IMMP2L: variants seen among roughly 807,000 people sequenced by gnomAD.
The protein encoded by IMMP2L is inner mitochondrial membrane peptidase subunit 2.
Under a neutral mutation model 19.3 loss-of-function variants are expected in IMMP2L, and 18 were observed. That is an observed-to-expected ratio of 0.93 (90% CI 0.64 to 1.38). The LOEUF (loss-of-function observed/expected upper bound fraction) is 1.38, where lower values mean the gene tolerates loss of function less well. Ranked by LOEUF, IMMP2L falls within the 40% of genes most tolerant of loss-of-function variation. The probability of loss-of-function intolerance (pLI) is 0.00; values close to 1 mark genes in which losing one functional copy is unlikely to be tolerated. For synonymous variants in IMMP2L, 76 were observed against 73.0 expected, an observed-to-expected ratio of 1.04 and a Z score of -0.21; for missense variants, 233 against 218.2, an observed-to-expected ratio of 1.07 and a Z score of -0.43.
chr7:111,242,358 T>C (rs900694447), intron 3 of IMMP2L, among the ~76,000 whole-genome samples: 1 of 152,116 alleles, frequency 6.6e-6, no homozygotes, highest in Admixed American at 6.6e-5. Flanking sequence ...AAGTCCAATT[T>C]GTTTGTGGAA....
intron 5 of IMMP2L, among the ~76,000 whole-genome samples, chr7:110,883,085 T>A (rs537999928): frequency 5.3e-5 from 8 of 152,304 alleles, no homozygotes; most frequent in African/African-American, 1.9e-4. Flanking sequence ...AAGTGAACAT[T>A]TTTTTGCGCT....
chr7:111,497,892 T>A (rs558095488), intron 2 of IMMP2L, among the ~76,000 whole-genome samples: 1 of 151,762 alleles, frequency 6.6e-6, no homozygotes, highest in South Asian at 2.1e-4. Flanking sequence ...TTTTTCACTA[T>A]TAGTATTATA....
chr7:111,391,135 T>C (rs1003627278), intron 3 of IMMP2L, among the ~76,000 whole-genome samples: 52 of 152,154 alleles, frequency 3.4e-4, no homozygotes. Flanking sequence ...TTATTGCTAA[T>C]ATGTAAACGA....
chr7:110,747,726 C>T (rs1026981335), intron 5 of IMMP2L, among the ~76,000 whole-genome samples: 2 of 152,086 alleles, frequency 1.3e-5, no homozygotes, highest in African/African-American at 2.4e-5. Flanking sequence ...TCTCGATAAA[C>T]TAGGCATTGA....
chr7:111,174,492 CA>C lies in IMMP2L; in HGVS notation c.240-210928del, dbSNP rs1170287702. The stretch of plus-strand genomic sequence containing the variant: ...TTTTCAGCTCCTACCTCACTCAATG[CA>C]AAAAAAATATTACCGAATTTCAAGG... On this transcript the variant is annotated intron_variant, in intron 3 of 5. Coordinates refer to ENST00000405709, the MANE Select transcript of IMMP2L (RefSeq NM_032549.4). 4.0e-5 allele frequency among the ~76,000 whole-genome samples: 6 copies of C among 150,984 alleles called. No homozygotes were observed. The East Asian group carries it at 9.7e-4, about 24-fold the overall frequency.
intron 5 of IMMP2L, among the ~76,000 whole-genome samples, chr7:110,827,664 A>C (rs1803623334): frequency 6.6e-6 from 1 of 152,194 alleles, no homozygotes; most frequent in Non-Finnish European, 1.5e-5. Flanking sequence ...AGAAGGGAGT[A>C]GCTGGAATCA....
intron 5 of IMMP2L, among the ~76,000 whole-genome samples, chr7:110,734,327 A>G (rs1390284551): frequency 6.6e-6 from 1 of 152,198 alleles, no homozygotes; most frequent in Non-Finnish European, 1.5e-5. Context: ...AACTGGAGAA[A>G]CAGCCATTCT....
At chr7:111,098,827 A>G (rs1797672146) in intron 3 of IMMP2L, among the ~76,000 whole-genome samples, 1 of 151,786 alleles carries the variant, frequency 6.6e-6, no homozygotes, top group Non-Finnish European at 1.5e-5. Flanking sequence ...GCCTTTGTGC[A>G]TGAGGCAACA....
chr7:110,962,900 AC>A, intron 4 of IMMP2L: 1 of 1,361,930 alleles, frequency 7.3e-7, no homozygotes, highest in South Asian at 2.0e-5. Flanking sequence ...ACAATGAGAC[AC>A]ATCATGCCAC....
intron 3 of IMMP2L, among the ~76,000 whole-genome samples, chr7:111,064,180 C>T (rs890062854): frequency 6.6e-6 from 1 of 152,122 alleles, no homozygotes; most frequent in Non-Finnish European, 1.5e-5. Context: ...AGAGCTTGTG[C>T]AGGGAAACTC....
intron 3 of IMMP2L, among the ~76,000 whole-genome samples, chr7:111,073,796 C>T (rs1023891405): frequency 6.6e-6 from 1 of 152,198 alleles, no homozygotes; most frequent in Admixed American, 6.6e-5. Flanking sequence ...AACTCTGCCA[C>T]TCAGGAAGAT....
intron 3 of IMMP2L, chr7:111,122,282 G>A (rs1217902977): frequency 6.6e-6 from 1 of 152,470 alleles, no homozygotes; most frequent in East Asian, 1.9e-4. Context: ...ACATACTGAA[G>A]TACTTAAACT....
intron 3 of IMMP2L, among the ~76,000 whole-genome samples, chr7:111,301,576 G>C (rs1822243979): frequency 6.6e-6 from 1 of 151,770 alleles, no homozygotes; most frequent in African/African-American, 2.4e-5. Flanking sequence ...TCTAAAAGTT[G>C]TATACTTTCA....
chr7:111,392,847 G>C (rs1221545739), intron 3 of IMMP2L: 2 of 456,446 alleles, frequency 4.4e-6, no homozygotes, highest in Non-Finnish European at 8.8e-6. Flanking sequence ...GCCAGATGAG[G>C]AGGTAAATCT....
At chr7:110,743,103 A>G (rs1406945704) in intron 5 of IMMP2L, among the ~76,000 whole-genome samples, 1 of 152,252 alleles carries the variant, frequency 6.6e-6, no homozygotes, top group Non-Finnish European at 1.5e-5. Context: ...TGAAAAGCTT[A>G]CTGAAAGTCA....
chr7:111,241,029 G>GTCATGGCC (rs1490982505), intron 3 of IMMP2L, among the ~76,000 whole-genome samples: 1 of 151,796 alleles, frequency 6.6e-6, no homozygotes, highest in Non-Finnish European at 1.5e-5. Flanking sequence ...ATGCTACACT[G>GTCATGGCC]TCATGGCCGT....
At chr7:111,422,323 T>C (rs958249315) in intron 3 of IMMP2L, among the ~76,000 whole-genome samples, 1 of 151,848 alleles carries the variant, frequency 6.6e-6, no homozygotes, top group Non-Finnish European at 1.5e-5. Context: ...AGTATGGCCA[T>C]TTTCATGATA....
intron 3 of IMMP2L, among the ~76,000 whole-genome samples, chr7:111,481,886 T>C (rs1384677523): frequency 6.6e-6 from 1 of 152,186 alleles, no homozygotes; most frequent in African/African-American, 2.4e-5. Flanking sequence ...CATTTTCTAC[T>C]AGGCATATTT....
intron 3 of IMMP2L, among the ~76,000 whole-genome samples, chr7:111,162,635 T>C (rs1020639799): frequency 1.1e-4 from 17 of 150,640 alleles, no homozygotes; most frequent in South Asian, 2.1e-4. Flanking sequence ...TTTGAGCGAG[T>C]AGTTTTTTTT....
Sources: allele counts gnomAD v4.1 joint callset (sites outside exome capture counted in the v4.1 genomes callset), GRCh38; gene constraint gnomAD v4.1.1; transcripts MANE v1.5; gene names NCBI Gene and HGNC (gene_info 2026-07-23, HGNC 2026-07-21).